Variants in RHBDD1 observed in about 807,000 individuals in gnomAD.
RHBDD1 encodes rhomboid-related protein 4.
RHBDD1 carries 38 observed loss-of-function variants against 36.3 expected under a neutral mutation model. The ratio of observed to expected loss-of-function variants is 1.05; its 90% CI spans 0.81 to 1.37. The LOEUF is 1.37. Ranked by LOEUF, RHBDD1 falls within the 40% of genes most tolerant of loss-of-function variation. RHBDD1 has a pLI of 0.00. For synonymous variants in RHBDD1, 151 were observed against 136.5 expected, an observed-to-expected ratio of 1.11 and a Z score of -0.74; for missense variants, 393 against 377.6, an observed-to-expected ratio of 1.04 and a Z score of -0.34.
chr2:226,988,685 CT>C, intron 8 of RHBDD1: 1 of 979,978 alleles, frequency 1.0e-6, no homozygotes, highest in Non-Finnish European at 1.2e-6. Flanking sequence ...GGTTTTCATA[CT>C]TTTTCTATCA....
intron 8 of RHBDD1, among the ~76,000 whole-genome samples, chr2:226,964,060 C>T (rs113327559): frequency 3.7e-4 from 57 of 152,130 alleles, no homozygotes; most frequent in African/African-American, 1.3e-3. Context: ...TCTACTGGAT[C>T]CCTCCCATCA....
Position 226,996,331 on chromosome 2 carries a change from T to C in RHBDD1, c.*809T>C, listed in dbSNP as rs1281722352. On this transcript the variant is annotated 3_prime_UTR_variant, in exon 9 of 9. Transcript: ENST00000392062. ...CGAAGGCATTTGGTGGATCGGTCACTAGAGATCTATCTTGCAGAAAGTATG... is the reference window on the plus strand; with the variant it reads ...CGAAGGCATTTGGTGGATCGGTCACCAGAGATCTATCTTGCAGAAAGTATG... 2.0e-5 allele frequency: 3 copies of C among 152,226 alleles called. No homozygotes were observed. Among genetic ancestry groups the C allele is most frequent in the Non-Finnish European group, 4.4e-5 (3 of 68,048 alleles). The allele number at this position is 152,226 out of a possible 1,614,324, so 9.4% of individuals were successfully genotyped here.
chr2:226,801,199 T>A, the RHBDD1 span, among the ~76,000 whole-genome samples: 1 of 152,160 alleles, frequency 6.6e-6, no homozygotes, highest in Non-Finnish European at 1.5e-5. Flanking sequence ...GCTCAGTGGC[T>A]GGGACCCGGC....
the RHBDD1 span, among the ~76,000 whole-genome samples, chr2:226,813,451 G>C: frequency 5.3e-5 from 8 of 152,150 alleles, no homozygotes; most frequent in Admixed American, 3.3e-4. Flanking sequence ...TGGAGACAGG[G>C]GGGCTATTGT....
chr2:226,919,089 T>C (rs1949121136), intron 8 of RHBDD1, among the ~76,000 whole-genome samples: 2 of 152,160 alleles, frequency 1.3e-5, no homozygotes, highest in African/African-American at 4.8e-5. Context: ...CCTTTTCATA[T>C]GCCTTTTTGC....
At chr2:226,989,589 T>C (rs1346001660) in intron 8 of RHBDD1, among the ~76,000 whole-genome samples, 2 of 152,246 alleles carry the variant, frequency 1.3e-5, no homozygotes, top group African/African-American at 4.8e-5. Context: ...AAATATTCTT[T>C]GTCTCTTTGA....
intron 8 of RHBDD1, among the ~76,000 whole-genome samples, chr2:226,938,159 G>T (rs545022990): frequency 6.6e-6 from 1 of 151,840 alleles, no homozygotes; most frequent in Non-Finnish European, 1.5e-5. Flanking sequence ...ATGGTATCTC[G>T]TGGTTTTGAT....
At chr2:226,966,265 A>G (rs558778890) in intron 8 of RHBDD1, among the ~76,000 whole-genome samples, 10 of 152,282 alleles carry the variant, frequency 6.6e-5, no homozygotes, top group African/African-American at 1.9e-4. Context: ...AATGCCTGCA[A>G]TTTGGACCAT....
chr2:226,858,930 T>C (rs1943581247), intron 3 of RHBDD1, among the ~76,000 whole-genome samples: 1 of 152,210 alleles, frequency 6.6e-6, no homozygotes, highest in Admixed American at 6.5e-5. Context: ...AAGCAACTTA[T>C]CAATACATTT....
At chr2:226,989,376 G>A (rs1957675802) in intron 8 of RHBDD1, among the ~76,000 whole-genome samples, 1 of 152,168 alleles carries the variant, frequency 6.6e-6, no homozygotes, top group Admixed American at 6.5e-5. Context: ...GGTACTGTTG[G>A]GTAACGGGGT....
chr2:226,995,764 GACC>G lies in RHBDD1; in HGVS notation c.*244_*246del. 1 of 507,952 alleles carries G rather than the reference GACC, an allele frequency of 2.0e-6. No homozygotes were observed. The highest frequency in any genetic ancestry group is 3.5e-6 in the Non-Finnish European group (1 of 289,084). The allele number at this position is 507,952 out of a possible 1,614,324, so 31.5% of individuals were successfully genotyped here. ...AAACAGGTCACTTCCTCCATGAAGA[GACC>G]AGTTTCCACGCTCCCATCTCTCACT... On this transcript the variant is annotated 3_prime_UTR_variant, in exon 9 of 9. Coordinates refer to ENST00000392062, the MANE Select transcript of RHBDD1 (RefSeq NM_001167608.3).
intron 8 of RHBDD1, among the ~76,000 whole-genome samples, chr2:226,990,224 T>G (rs531549708): frequency 1.3e-5 from 2 of 152,308 alleles, no homozygotes; most frequent in Non-Finnish European, 1.5e-5. Context: ...TCTTTGACGG[T>G]AAATGACTTA....
chr2:226,957,586 A>AG (rs767924350), intron 8 of RHBDD1, among the ~76,000 whole-genome samples: 3 of 151,834 alleles, frequency 2.0e-5, no homozygotes, highest in Non-Finnish European at 4.4e-5. Context: ...AAAAAGAAGA[A>AG]GGAAAAAAAA....
chr2:226,811,815 G>A, the RHBDD1 span, among the ~76,000 whole-genome samples: 12 of 152,324 alleles, frequency 7.9e-5, no homozygotes, highest in South Asian at 2.3e-3. Flanking sequence ...AATGTCTTTT[G>A]AAGTTTGCAT....
At chr2:226,898,020 A>G (rs193215918) in intron 5 of RHBDD1, among the ~76,000 whole-genome samples, 55 of 152,100 alleles carry the variant, frequency 3.6e-4, no homozygotes, top group African/African-American at 1.2e-3. Context: ...ACAAACAAAA[A>G]CCAGCCCTGG....
At chr2:226,908,448 C>A (rs1321347827) in intron 6 of RHBDD1, 3 of 198,244 alleles carry the variant, frequency 1.5e-5, no homozygotes, top group African/African-American at 6.9e-5. Flanking sequence ...TCTCCTAACA[C>A]CTTCTTTGAG....
chr2:226,882,092 A>G (rs759103520), intron 5 of RHBDD1, among the ~76,000 whole-genome samples: 2 of 152,260 alleles, frequency 1.3e-5, no homozygotes, highest in African/African-American at 4.8e-5. Flanking sequence ...CAGATTTATC[A>G]TACATCATAG....
At chr2:226,973,117 G>A (rs1191887533) in intron 8 of RHBDD1, among the ~76,000 whole-genome samples, 1 of 152,088 alleles carries the variant, frequency 6.6e-6, no homozygotes, top group African/African-American at 2.4e-5. Context: ...TCAGCCTCGG[G>A]GTTCTTGTTC....
chr2:226,983,689 A>G (rs1028564937), intron 8 of RHBDD1, among the ~76,000 whole-genome samples: 1 of 151,928 alleles, frequency 6.6e-6, no homozygotes, highest in African/African-American at 2.4e-5. Flanking sequence ...TGCAAAGGTT[A>G]AGGAGTGTTT....
Sources: allele counts gnomAD v4.1 joint callset (sites outside exome capture counted in the v4.1 genomes callset), GRCh38; gene constraint gnomAD v4.1.1; transcripts MANE v1.5; gene names NCBI Gene and HGNC (gene_info 2026-07-23, HGNC 2026-07-21).